CACNA2D1: variants seen among roughly 807,000 people sequenced by gnomAD.
The protein encoded by CACNA2D1 is calcium voltage-gated channel auxiliary subunit alpha2delta 1.
CACNA2D1 carries 53 observed loss-of-function variants against 171.5 expected under a neutral mutation model. The observed-to-expected ratio is 0.31, with a 90% CI of 0.25 to 0.39. CACNA2D1 has a LOEUF of 0.39. Among genes scored for constraint, CACNA2D1 ranks in the 10% least tolerant of loss-of-function variants. CACNA2D1 has a pLI of 1.00. For synonymous variants in CACNA2D1, 442 were observed against 443.1 expected (o/e 1.00, Z 0.03); for missense variants, 903 against 1,299.8 (o/e 0.69, Z 4.69).
intron 9 of CACNA2D1, among the ~76,000 whole-genome samples, 191 bp downstream of exon 9, chr7:82,064,110 CTCT>C (rs1191939319): frequency 4.0e-5 from 6 of 151,706 alleles, no homozygotes; most frequent in South Asian, 2.1e-4. Flanking sequence ...CATATAGATT[CTCT>C]TCATGTTTAA....
chr7:82,355,272 G>T (rs1180397182), intron 1 of CACNA2D1, among the ~76,000 whole-genome samples: 3 of 152,094 alleles, frequency 2.0e-5, no homozygotes, highest in African/African-American at 7.2e-5. Context: ...GCTCAAGAAA[G>T]TGCATGGCAA....
chr7:82,161,290 A>G lies in CACNA2D1; in HGVS notation c.354+9260T>C, dbSNP rs142834431. ...AGGTCAAAGAGACCTCCCTGCCCCC[A>G]TGGTTTTCTTTGATTCCTTCAGCTT... On this transcript the variant is annotated intron_variant, in intron 4 of 38. Transcript: ENST00000356860. 1.4e-4 allele frequency among the ~76,000 whole-genome samples: 21 copies of G among 152,146 alleles called. No individual in the cohort carries two copies. The East Asian group carries it at 3.7e-3, about 27-fold the overall frequency.
intron 12 of CACNA2D1, among the ~76,000 whole-genome samples, chr7:82,016,615 C>A (rs891838125): frequency 3.1e-5 from 4 of 129,644 alleles, no homozygotes; most frequent in South Asian, 3.0e-4. Flanking sequence ...CGCCCGCCCC[C>A]CCCCCCCAAA....
At chr7:82,431,697 G>GATA (rs1490644196) in intron 1 of CACNA2D1, among the ~76,000 whole-genome samples, 1 of 152,060 alleles carries the variant, frequency 6.6e-6, no homozygotes, top group Admixed American at 6.6e-5. Context: ...ACAAAACAAA[G>GATA]ATAATAATAA....
intron 3 of CACNA2D1, among the ~76,000 whole-genome samples, chr7:82,268,085 C>T (rs1808143748): frequency 6.6e-6 from 1 of 152,102 alleles, no homozygotes; most frequent in Admixed American, 6.6e-5. Context: ...AATTATTTTG[C>T]TACTTTTGGT....
chr7:82,252,968 T>C (rs960874527), intron 3 of CACNA2D1, among the ~76,000 whole-genome samples: 3 of 151,784 alleles, frequency 2.0e-5, no homozygotes, highest in African/African-American at 7.3e-5. Context: ...TAAGAGAGGC[T>C]AAAACATACG....
chr7:82,197,299 C>T (rs1221561917), intron 3 of CACNA2D1, among the ~76,000 whole-genome samples: 3 of 152,104 alleles, frequency 2.0e-5, no homozygotes, highest in Non-Finnish European at 4.4e-5. Context: ...TTTTACATTT[C>T]ACCCTATCAG....
At chr7:82,416,015 G>C (rs957949841) in intron 1 of CACNA2D1, among the ~76,000 whole-genome samples, 1 of 151,898 alleles carries the variant, frequency 6.6e-6, no homozygotes, top group Non-Finnish European at 1.5e-5. Context: ...AAGAATTCAA[G>C]ACCAGTCTGA....
intron 3 of CACNA2D1, among the ~76,000 whole-genome samples, chr7:82,188,358 A>C (rs1797974037): frequency 6.6e-6 from 1 of 152,176 alleles, no homozygotes; most frequent in African/African-American, 2.4e-5. Flanking sequence ...GGTAGGTGAG[A>C]TAATTTAAGC....
intron 1 of CACNA2D1, among the ~76,000 whole-genome samples, chr7:82,430,761 C>G (rs764426188): frequency 6.6e-6 from 1 of 152,050 alleles, no homozygotes; most frequent in Non-Finnish European, 1.5e-5. Flanking sequence ...GTATTGGTTG[C>G]GAAAAACGCA....
chr7:82,064,027 G>A (rs2128981270), intron 9 of CACNA2D1, among the ~76,000 whole-genome samples: 1 of 151,552 alleles, frequency 6.6e-6, no homozygotes, highest in East Asian at 2.0e-4. Context: ...GCCCGAACAA[G>A]TTCCAACATT....
chr7:82,136,733 A>G (rs1791667494), intron 4 of CACNA2D1, 57 bp from the exon 5 acceptor site: 8 of 1,139,546 alleles, frequency 7.0e-6, no homozygotes, highest in Admixed American at 2.1e-5. Context: ...TGTATCAAAT[A>G]CTGAATACAT....
intron 3 of CACNA2D1, among the ~76,000 whole-genome samples, chr7:82,194,411 A>G (rs1302976611): frequency 6.6e-6 from 1 of 152,004 alleles, no homozygotes; most frequent in Non-Finnish European, 1.5e-5. Flanking sequence ...CAAAACAAAA[A>G]AGTTTCTTCT....
At chr7:82,143,306 A>C (rs1165458881) in intron 4 of CACNA2D1, among the ~76,000 whole-genome samples, 1 of 152,162 alleles carries the variant, frequency 6.6e-6, no homozygotes, top group African/African-American at 2.4e-5. Flanking sequence ...CAATAAGATA[A>C]TTGATATAAA....
At chr7:82,185,487 AGGAGGGGGAGGGGAGGGGG>A (rs1797591731) in intron 3 of CACNA2D1, among the ~76,000 whole-genome samples, 1 of 18,632 alleles carries the variant, frequency 5.4e-5, no homozygotes, top group Non-Finnish European at 1.1e-4. Context: ...GAGGGGGAGG[AGGAGGGGGAGGGGAGGGGG>A]AGGGGGAGGA....
intron 3 of CACNA2D1, among the ~76,000 whole-genome samples, chr7:82,302,319 C>T (rs963622948): frequency 3.3e-5 from 5 of 151,970 alleles, no homozygotes; most frequent in Non-Finnish European, 7.4e-5. Flanking sequence ...CAAGTACATC[C>T]AAACATTAGA....
At chr7:82,115,760 T>C (rs1000946976) in intron 6 of CACNA2D1, among the ~76,000 whole-genome samples, 1 of 151,426 alleles carries the variant, frequency 6.6e-6, no homozygotes, top group African/African-American at 2.4e-5. Context: ...AAAAAGCTCA[T>C]ATACAATGTG....
At chr7:82,090,748 C>T (rs1200168422) in intron 6 of CACNA2D1, among the ~76,000 whole-genome samples, 1 of 151,944 alleles carries the variant, frequency 6.6e-6, no homozygotes, top group Non-Finnish European at 1.5e-5. Context: ...GTTTTTAATG[C>T]CCTTAAATGT....
intron 3 of CACNA2D1, among the ~76,000 whole-genome samples, chr7:82,250,932 T>A (rs1805553638): frequency 6.6e-6 from 1 of 152,226 alleles, no homozygotes; most frequent in Non-Finnish European, 1.5e-5. Flanking sequence ...TCATTTTTAA[T>A]AACCTTTTCC....
Sources: allele counts gnomAD v4.1 joint callset (sites outside exome capture counted in the v4.1 genomes callset), GRCh38; gene constraint gnomAD v4.1.1; transcripts MANE v1.5; gene names NCBI Gene and HGNC (gene_info 2026-07-23, HGNC 2026-07-21).